The following MYO1A variants were observed in gnomAD, a reference collection of about 807,000 sequenced individuals.
MYO1A encodes the protein unconventional myosin-Ia.
Under a neutral mutation model 138.5 loss-of-function variants are expected in MYO1A, and 127 were observed. The ratio of observed to expected loss-of-function variants is 0.92; its 90% confidence interval spans 0.79 to 1.06. The LOEUF (loss-of-function observed/expected upper bound fraction) is 1.06, where lower values mean the gene tolerates loss of function less well. Ranked by LOEUF, MYO1A falls within the 50% of genes least tolerant of loss-of-function variation. The probability of loss-of-function intolerance (pLI) is 0.00; values close to 1 mark genes in which losing one functional copy is unlikely to be tolerated. For missense variants in MYO1A, 1,211 were observed against 1,288.8 expected, an observed-to-expected ratio of 0.94 and a Z score of 0.92; for synonymous variants, 477 against 497.5, an observed-to-expected ratio of 0.96 and a Z score of 0.55.
rs150719590 is a variant in MYO1A, at chr12:57,036,750, CCT to C, written c.2274+20_2274+21del. The C allele has an allele frequency of 0.086, 138,057 of 1,613,500 alleles. 6,231 individuals carry two copies. The highest frequency in any genetic ancestry group is 0.14 in the East Asian group (6,469 of 44,880). Reference sequence around the variant, plus strand: ...ATCCAGGAGAAACAATGTGAGGAAACCTCTCTTCCACTCTCCATTACCTTCCA... The same window carrying C: ...ATCCAGGAGAAACAATGTGAGGAAACCTCTTCCACTCTCCATTACCTTCCA... On this transcript the variant is annotated intron_variant, in intron 21 of 27. Coordinates refer to ENST00000300119, the MANE Select transcript of MYO1A (RefSeq NM_005379.4).
chr12:57,044,696 T>G lies in MYO1A; in HGVS notation c.641-487A>C, dbSNP rs2031018082. Reference sequence around the variant, plus strand: ...AGTCACTCGGCCTAACAGACTAAATTTTTAAGTATACTTTTAAGTAGTGTT... The same window carrying G: ...AGTCACTCGGCCTAACAGACTAAATGTTTAAGTATACTTTTAAGTAGTGTT... On this transcript the variant is annotated intron_variant, in intron 8 of 27. Transcript: ENST00000300119. 2.0e-5 allele frequency among the ~76,000 whole-genome samples: 3 copies of G among 152,204 alleles called. No homozygotes were observed. In the South Asian group the frequency reaches 6.2e-4, roughly 32 times the overall value.
chr12:57,037,131 A>C (rs750057428), intron 19 of MYO1A, 40 bp from the exon 20 acceptor site: 51 of 1,612,424 alleles, frequency 3.2e-5, no homozygotes, highest in Non-Finnish European at 4.0e-5. Flanking sequence ...AGACTGGCTC[A>C]GGGGAACAGT....
intron 22 of MYO1A, among the ~76,000 whole-genome samples, chr12:57,034,136 G>A (rs1326105149): frequency 6.6e-6 from 1 of 152,148 alleles, no homozygotes; most frequent in Non-Finnish European, 1.5e-5. Flanking sequence ...AGGGCCATGG[G>A]TTGCCCAAGC....
intron 23 of MYO1A, among the ~76,000 whole-genome samples, chr12:57,030,592 T>C (rs1157473112): frequency 6.6e-6 from 1 of 152,176 alleles, no homozygotes; most frequent in African/African-American, 2.4e-5. Context: ...CCCAGACAGG[T>C]GCTCAATAAG....
chr12:57,046,816 T>C (rs1565647893), intron 7 of MYO1A, 47 bp downstream of exon 7: 21 of 1,593,854 alleles, frequency 1.3e-5, no homozygotes, highest in Non-Finnish European at 1.5e-5. Flanking sequence ...GAAAGGGCCA[T>C]GGGAGGCAGG....
At chr12:57,041,037 G>A in intron 14 of MYO1A, 147 bp downstream of exon 14, 2 of 686,228 alleles carry the variant, frequency 2.9e-6, no homozygotes, top group South Asian at 1.6e-5. Flanking sequence ...GGTAATGCTG[G>A]AATGATCTAC....
intron 22 of MYO1A, among the ~76,000 whole-genome samples, chr12:57,033,752 C>A (rs944046127): frequency 1.3e-5 from 2 of 152,196 alleles, no homozygotes; most frequent in Non-Finnish European, 2.9e-5. Context: ...TTGGCACTTC[C>A]AAATGTCTGG....
chr12:57,033,885 A>G (rs1367776551), intron 22 of MYO1A, among the ~76,000 whole-genome samples: 1 of 152,232 alleles, frequency 6.6e-6, no homozygotes, highest in African/African-American at 2.4e-5. Context: ...CTTCCACTGC[A>G]GGTCTAGTGG....
At chr12:57,036,520 CA>C in intron 21 of MYO1A, 139 bp from the exon 22 acceptor site, 1 of 1,033,166 alleles carries the variant, frequency 9.7e-7, no homozygotes, top group Non-Finnish European at 1.5e-6. Context: ...TAAAATCAGA[CA>C]AGTTGGCAGT....
intron 3 of MYO1A, 104 bp from the exon 4 acceptor site, chr12:57,047,825 C>A (rs2031179190): frequency 6.4e-7 from 1 of 1,567,392 alleles, no homozygotes; most frequent in Non-Finnish European, 8.7e-7. Flanking sequence ...CTACTTGGAG[C>A]AGACTGGGCA....
At chr12:57,029,307 C>T in intron 26 of MYO1A, 48 bp from the exon 27 acceptor site, 1 of 1,613,502 alleles carries the variant, frequency 6.2e-7, no homozygotes, top group Non-Finnish European at 8.5e-7. Context: ...TTTTTCTCTT[C>T]AGGAGCACCT....
chr12:57,029,335 C>T, intron 26 of MYO1A, 76 bp from the exon 27 acceptor site: 1 of 1,613,310 alleles, frequency 6.2e-7, no homozygotes, highest in Non-Finnish European at 8.5e-7. Context: ...ATCAAAGGCC[C>T]AGAGCGAAAG....
intron 14 of MYO1A, among the ~76,000 whole-genome samples, chr12:57,040,380 A>G (rs2030803989): frequency 6.6e-6 from 1 of 152,152 alleles, no homozygotes; most frequent in Non-Finnish European, 1.5e-5. Flanking sequence ...ATGCGTAAGG[A>G]CTTCTGGAAG....
Position 57,044,282 on chromosome 12 carries a change from A to G in MYO1A, c.641-73T>C, listed in dbSNP as rs2030998846. The G allele has an allele frequency of 5.0e-6, 6 of 1,188,402 alleles. No homozygotes were observed. In the East Asian group the frequency reaches 1.5e-4, roughly 29 times the overall value. 73.6% of individuals were successfully genotyped at this position (1,188,402 alleles called of 1,614,324 possible). A position where few individuals can be genotyped will look rare whatever the true frequency, so the allele number is the denominator to read the frequency against. On this transcript the variant is annotated intron_variant, in intron 8 of 27. Transcript: ENST00000300119. Reference sequence around the variant, plus strand: ...GAGCCCTCCAGCCTTGACACCTCACAGCCCTTGCCCTAATGGATTCATTCA... The same window carrying G: ...GAGCCCTCCAGCCTTGACACCTCACGGCCCTTGCCCTAATGGATTCATTCA...
chr12:57,041,430 AC>A lies in MYO1A; in HGVS notation c.1164+1del, dbSNP rs756466115. ...CAGGGTGCTGAGGTGAGGCACTCTCACCTCTAATATCTCAAAACCGTAGATA... is the reference window on the plus strand; with the variant it reads ...CAGGGTGCTGAGGTGAGGCACTCTCACTCTAATATCTCAAAACCGTAGATA... On this transcript the variant is annotated splice_donor_variant, in intron 13 of 27. Coordinates refer to ENST00000300119, the MANE Select transcript of MYO1A (RefSeq NM_005379.4). LOFTEE classifies it high-confidence loss of function. The A allele has an allele frequency of 2.4e-5, 38 of 1,612,488 alleles. No individual in the cohort carries two copies. The East Asian group carries it at 7.4e-4, about 31-fold the overall frequency.
chr12:57,031,274 C>T, intron 22 of MYO1A, 100 bp from the exon 23 acceptor site: 1 of 1,454,554 alleles, frequency 6.9e-7, no homozygotes. Context: ...AGGAAGTTAA[C>T]CCACAGTGAG....
chr12:57,039,257 C>T lies in MYO1A; in HGVS notation c.1287G>A (p.Lys429=), dbSNP rs759950519. The T allele has an allele frequency of 5.0e-6, 8 of 1,614,034 alleles. No individual in the cohort carries two copies. The East Asian group carries it at 1.6e-4, about 31-fold the overall frequency. ...EYKREGIPWT[K]VDYFDNGIIC... ...TGATGCCATTATCAAAGTAGTCCAC[C>T]TTTGTCCACGGTATGCCCTGGTCAG... is the stretch of plus-strand genomic sequence containing the variant. Residue 429 remains lysine (K), a synonymous_variant, in exon 15 of 28, where the codon AAG becomes AAA. Coordinates refer to ENST00000300119, the MANE Select transcript of MYO1A (RefSeq NM_005379.4).
chr12:57,041,848 G>T (rs1231431172), intron 12 of MYO1A, among the ~76,000 whole-genome samples: 1 of 152,128 alleles, frequency 6.6e-6, no homozygotes, highest in Non-Finnish European at 1.5e-5. Flanking sequence ...AGGTATTATT[G>T]TTCCCATTTT....
chr12:57,038,166 TG>T, intron 17 of MYO1A, 97 bp from the exon 18 acceptor site: 1 of 1,452,702 alleles, frequency 6.9e-7, no homozygotes, highest in East Asian at 2.3e-5. Flanking sequence ...TGCACTTCAC[TG>T]AAAAGTTTCA....
Sources: allele counts gnomAD v4.1 joint callset (sites outside exome capture counted in the v4.1 genomes callset), GRCh38; gene constraint gnomAD v4.1.1; transcripts MANE v1.5; gene names NCBI Gene and HGNC (gene_info 2026-07-23, HGNC 2026-07-21).